GALNT13: variants seen among roughly 807,000 people sequenced by gnomAD.
The protein encoded by GALNT13 is polypeptide N-acetylgalactosaminyltransferase 13, also known as UDP-GalNAc:polypeptide N-acetylgalactosaminyltransferase 13.
In GALNT13, 28 loss-of-function variants were observed where a neutral mutation model predicts 64.2. That is an observed-to-expected ratio of 0.44 (90% confidence interval 0.32 to 0.60). GALNT13 has a LOEUF of 0.60. Among genes scored for constraint, GALNT13 ranks in the 20% least tolerant of loss-of-function variants. The pLI is 0.05. For missense variants in GALNT13, 577 were observed against 669.8 expected, an observed-to-expected ratio of 0.86 and a Z score of 1.53; for synonymous variants, 214 against 224.6, an observed-to-expected ratio of 0.95 and a Z score of 0.42.
At chr2:153,491,678 TG>T in the GALNT13 span, among the ~76,000 whole-genome samples, 1 of 152,044 alleles carries the variant, frequency 6.6e-6, no homozygotes, top group Non-Finnish European at 1.5e-5. Flanking sequence ...TAGAGTGCAG[TG>T]GCGTGATCTT....
At chr2:153,379,303 A>G in the GALNT13 span, among the ~76,000 whole-genome samples, 1 of 152,128 alleles carries the variant, frequency 6.6e-6, no homozygotes, top group South Asian at 2.1e-4. Flanking sequence ...AGTCTATGAC[A>G]GAGGTTTTTT....
the GALNT13 span, among the ~76,000 whole-genome samples, chr2:153,862,210 C>T: frequency 5.3e-5 from 8 of 152,176 alleles, no homozygotes; most frequent in East Asian, 3.9e-4. Context: ...TTCACACACA[C>T]GTACACACAT....
At chr2:153,426,722 G>T in the GALNT13 span, among the ~76,000 whole-genome samples, 3 of 151,894 alleles carry the variant, frequency 2.0e-5, no homozygotes, top group African/African-American at 7.2e-5. Flanking sequence ...CTTGAGGTAA[G>T]CCTGTTTCAT....
At chr2:153,933,704 T>G (rs182263811) in intron 2 of GALNT13, among the ~76,000 whole-genome samples, 14 of 152,246 alleles carry the variant, frequency 9.2e-5, no homozygotes, top group Non-Finnish European at 1.9e-4. Context: ...TATTTAAGTT[T>G]GTTTGTTTGT....
intron 7 of GALNT13, among the ~76,000 whole-genome samples, chr2:154,253,397 A>G (rs1436250538): frequency 6.6e-6 from 1 of 152,196 alleles, no homozygotes; most frequent in African/African-American, 2.4e-5. Flanking sequence ...CTGTTGATTT[A>G]CCAACTTCTG....
the GALNT13 span, among the ~76,000 whole-genome samples, chr2:153,512,733 G>A: frequency 2.6e-5 from 4 of 152,126 alleles, no homozygotes; most frequent in Non-Finnish European, 5.9e-5. Context: ...ATGATAATTA[G>A]TCATTTTTAA....
the GALNT13 span, among the ~76,000 whole-genome samples, chr2:153,220,689 TC>T: frequency 6.6e-6 from 1 of 152,318 alleles, no homozygotes; most frequent in African/African-American, 2.4e-5. Context: ...TTTCTTTCAT[TC>T]CTGCTCTAAA....
At chr2:153,105,280 T>G in the GALNT13 span, among the ~76,000 whole-genome samples, 1 of 152,124 alleles carries the variant, frequency 6.6e-6, no homozygotes, top group South Asian at 2.1e-4. Context: ...ACCACATGAT[T>G]ATCTCAATAG....
At chr2:153,496,736 G>A in the GALNT13 span, among the ~76,000 whole-genome samples, 420 of 151,988 alleles carry the variant, frequency 2.8e-3, no homozygotes, top group Non-Finnish European at 4.8e-3. Context: ...CTATAATCCC[G>A]GAATTTTGGG....
At chr2:153,925,495 G>A (rs964615356) in intron 2 of GALNT13, among the ~76,000 whole-genome samples, 3 of 130,532 alleles carry the variant, frequency 2.3e-5, no homozygotes, top group Non-Finnish European at 3.2e-5. Context: ...ATGAAGCCTC[G>A]AGCTTTTTTT....
chr2:153,070,589 T>A, the GALNT13 span, among the ~76,000 whole-genome samples: 2 of 152,198 alleles, frequency 1.3e-5, no homozygotes, highest in African/African-American at 4.8e-5. Flanking sequence ...GAATTCTGTA[T>A]ACTTTCTCCT....
chr2:154,306,475 G>A (rs1207361366), intron 9 of GALNT13, among the ~76,000 whole-genome samples: 3 of 152,024 alleles, frequency 2.0e-5, no homozygotes, highest in African/African-American at 7.2e-5. Flanking sequence ...CCCAGACATA[G>A]CTGATTTATG....
At chr2:153,426,977 A>T in the GALNT13 span, among the ~76,000 whole-genome samples, 4 of 152,110 alleles carry the variant, frequency 2.6e-5, no homozygotes, top group East Asian at 7.7e-4. Flanking sequence ...TGATAACCAA[A>T]CATTAGAGTA....
chr2:153,648,807 G>A, the GALNT13 span, among the ~76,000 whole-genome samples: 1 of 152,120 alleles, frequency 6.6e-6, no homozygotes, highest in African/African-American at 2.4e-5. Context: ...TGCATCCTAG[G>A]GATGAAGCCC....
intron 9 of GALNT13, among the ~76,000 whole-genome samples, chr2:154,343,717 A>T (rs1695902439): frequency 6.6e-6 from 1 of 152,202 alleles, no homozygotes; most frequent in East Asian, 1.9e-4. Flanking sequence ...ATTGATATAT[A>T]CAGTGAATTA....
intron 4 of GALNT13, among the ~76,000 whole-genome samples, chr2:154,225,160 T>TGACAGATAGATGATA (rs1688541581): frequency 5.1e-5 from 7 of 137,902 alleles, no homozygotes; most frequent in Admixed American, 2.9e-4. Flanking sequence ...GATAGATAGA[T>TGACAGATAGATGATA]GATAGATAGA....
intron 8 of GALNT13, among the ~76,000 whole-genome samples, chr2:154,298,439 ATTATATATAAT>A (rs1693064413): frequency 1.5e-5 from 2 of 136,736 alleles, no homozygotes; most frequent in Admixed American, 8.0e-5. Flanking sequence ...ATATATATAA[ATTATATATAAT>A]TTATATATAC....
At chr2:154,277,405 G>T (rs948386220) in intron 8 of GALNT13, among the ~76,000 whole-genome samples, 5 of 151,988 alleles carry the variant, frequency 3.3e-5, no homozygotes, top group Non-Finnish European at 7.4e-5. Context: ...AATCTCTATG[G>T]TAACGACTGC....
the GALNT13 span, among the ~76,000 whole-genome samples, chr2:153,133,452 G>C: frequency 6.6e-6 from 1 of 152,014 alleles, no homozygotes; most frequent in East Asian, 1.9e-4. Context: ...AAGGGGACCT[G>C]TTAACAGGAA....
Sources: allele counts gnomAD v4.1 joint callset (sites outside exome capture counted in the v4.1 genomes callset), GRCh38; gene constraint gnomAD v4.1.1; transcripts MANE v1.5; gene names NCBI Gene and HGNC (gene_info 2026-07-23, HGNC 2026-07-21).